The following WDR7 variants were observed in gnomAD, a reference collection of about 807,000 sequenced individuals.
The protein encoded by WDR7 is WD repeat domain 7.
WDR7 carries 46 observed loss-of-function variants against 169.4 expected under a neutral mutation model. That is an observed-to-expected ratio of 0.27 (90% CI 0.21 to 0.35). The LOEUF (loss-of-function observed/expected upper bound fraction) is 0.35, where lower values mean the gene tolerates loss of function less well. Among genes scored for constraint, WDR7 ranks in the 10% least tolerant of loss-of-function variants. The pLI is 1.00. For synonymous variants in WDR7, 612 were observed against 666.8 expected, an observed-to-expected ratio of 0.92 and a Z score of 1.27; for missense variants, 1,534 against 1,859.3, an observed-to-expected ratio of 0.83 and a Z score of 3.22.
chr18:56,820,584 C>T (rs1417287384), intron 20 of WDR7, among the ~76,000 whole-genome samples: 1 of 151,786 alleles, frequency 6.6e-6, no homozygotes, highest in Admixed American at 6.6e-5. Context: ...TTTGCTATTC[C>T]TGTGTATTTA....
At chr18:56,742,441 C>T (rs1039835118) in intron 14 of WDR7, among the ~76,000 whole-genome samples, 10 of 152,240 alleles carry the variant, frequency 6.6e-5, no homozygotes, top group African/African-American at 2.4e-4. Flanking sequence ...TTATTCTCTT[C>T]TAATATGTTT....
intron 26 of WDR7, among the ~76,000 whole-genome samples, chr18:56,979,449 A>T (rs973478198): frequency 2.6e-5 from 4 of 152,170 alleles, no homozygotes; most frequent in Admixed American, 2.0e-4. Context: ...ATGTCTTTTC[A>T]GTTCTTCAAA....
chr18:56,821,286 C>T (rs936480962), intron 20 of WDR7, among the ~76,000 whole-genome samples: 13 of 152,090 alleles, frequency 8.5e-5, no homozygotes, highest in Non-Finnish European at 1.8e-4. Flanking sequence ...CACTTGACAA[C>T]TTTCTTTTAT....
intron 12 of WDR7, among the ~76,000 whole-genome samples, chr18:56,710,576 A>C (rs1309334452): frequency 6.6e-6 from 1 of 152,178 alleles, no homozygotes; most frequent in African/African-American, 2.4e-5. Flanking sequence ...GTTTGTATGT[A>C]AATATTTTCT....
At chr18:56,737,243 A>G (rs1237800820) in intron 14 of WDR7, among the ~76,000 whole-genome samples, 1 of 152,254 alleles carries the variant, frequency 6.6e-6, no homozygotes, top group Non-Finnish European at 1.5e-5. Context: ...ATACATGCAT[A>G]TATTTAGAAG....
intron 12 of WDR7, among the ~76,000 whole-genome samples, chr18:56,705,741 G>A (rs2025935811): frequency 6.6e-6 from 1 of 152,216 alleles, no homozygotes. Context: ...GCTCACGCCT[G>A]TAATCCCAGC....
intron 26 of WDR7, among the ~76,000 whole-genome samples, chr18:57,004,741 T>A (rs2048031644): frequency 6.6e-6 from 1 of 152,166 alleles, no homozygotes; most frequent in South Asian, 2.1e-4. Flanking sequence ...GTTATCAATA[T>A]TTTACAGATC....
intron 10 of WDR7, 91 bp from the exon 11 acceptor site, chr18:56,694,859 A>C: frequency 6.5e-7 from 1 of 1,535,208 alleles, no homozygotes; most frequent in Non-Finnish European, 8.8e-7. Flanking sequence ...ATTTTCTTTG[A>C]TTACTGGATC....
intron 22 of WDR7, among the ~76,000 whole-genome samples, chr18:56,929,275 C>CA (rs200441483): frequency 1.1e-3 from 165 of 145,940 alleles, no homozygotes; most frequent in African/African-American, 2.8e-3. Context: ...GACCCTGTCT[C>CA]AAAAAAAAAA....
At chr18:56,669,968 C>T (rs1455981604) in intron 1 of WDR7, among the ~76,000 whole-genome samples, 3 of 152,076 alleles carry the variant, frequency 2.0e-5, no homozygotes, top group Non-Finnish European at 4.4e-5. Flanking sequence ...ATTTACATTG[C>T]CCTTTTTTCC....
At chr18:56,780,388 A>G (rs1208880476) in intron 18 of WDR7, among the ~76,000 whole-genome samples, 2 of 152,116 alleles carry the variant, frequency 1.3e-5, no homozygotes, top group Non-Finnish European at 2.9e-5. Flanking sequence ...TCTCCTCTCA[A>G]CTCCAAATGG....
chr18:56,801,137 T>G (rs1403690848), intron 19 of WDR7, among the ~76,000 whole-genome samples: 2 of 152,252 alleles, frequency 1.3e-5, no homozygotes, highest in Non-Finnish European at 2.9e-5. Flanking sequence ...TTGTAATTAC[T>G]TTCTTTGAAT....
chr18:56,822,868 C>A (rs936147458), intron 20 of WDR7, among the ~76,000 whole-genome samples: 3 of 152,006 alleles, frequency 2.0e-5, no homozygotes, highest in Non-Finnish European at 4.4e-5. Context: ...GTGTAAATTT[C>A]ATAGTTTTCT....
At chr18:56,774,199 TAGTTTAGAATCAAATTTAAATGG>T (rs1308517424) in intron 16 of WDR7, among the ~76,000 whole-genome samples, 2 of 152,192 alleles carry the variant, frequency 1.3e-5, no homozygotes, top group East Asian at 3.9e-4. Context: ...ACAATAGGAG[TAGTTTAGAATCAAATTTAAATGG>T]AGTTTAGAAT....
intron 20 of WDR7, among the ~76,000 whole-genome samples, chr18:56,831,528 T>G (rs1350162897): frequency 6.6e-6 from 1 of 152,118 alleles, no homozygotes; most frequent in Non-Finnish European, 1.5e-5. Flanking sequence ...TGTTTATATT[T>G]ATTTAAAACA....
chr18:56,826,153 A>G (rs1258989924), intron 20 of WDR7, among the ~76,000 whole-genome samples: 4 of 152,238 alleles, frequency 2.6e-5, no homozygotes, highest in Non-Finnish European at 1.5e-5. Flanking sequence ...CTGTGTAATA[A>G]TAACTCATGG....
chr18:56,795,053 T>A (rs917353763), intron 19 of WDR7, among the ~76,000 whole-genome samples: 1 of 152,194 alleles, frequency 6.6e-6, no homozygotes, highest in African/African-American at 2.4e-5. Context: ...CTGGCTACAC[T>A]TCAGAAATGA....
At chr18:56,999,736 A>G (rs1328429511) in intron 26 of WDR7, among the ~76,000 whole-genome samples, 1 of 152,192 alleles carries the variant, frequency 6.6e-6, no homozygotes, top group Non-Finnish European at 1.5e-5. Flanking sequence ...CATCTTATAC[A>G]ATAAATCCAA....
At chr18:56,993,261 G>C (rs1210609708) in intron 26 of WDR7, among the ~76,000 whole-genome samples, 1 of 152,108 alleles carries the variant, frequency 6.6e-6, no homozygotes, top group Non-Finnish European at 1.5e-5. Context: ...GCAAGAATTT[G>C]GAATTGAGAA....
Sources: allele counts gnomAD v4.1 joint callset (sites outside exome capture counted in the v4.1 genomes callset), GRCh38; gene constraint gnomAD v4.1.1; transcripts MANE v1.5; gene names NCBI Gene and HGNC (gene_info 2026-07-23, HGNC 2026-07-21).